HTR4: variants seen among roughly 807,000 people sequenced by gnomAD.
HTR4 encodes 5-hydroxytryptamine receptor 4.
HTR4 carries 16 observed loss-of-function variants against 36.8 expected under a neutral mutation model. The observed-to-expected ratio is 0.43, with a 90% CI of 0.29 to 0.66. HTR4 has a LOEUF of 0.66. Ranked by LOEUF, HTR4 falls within the 30% of genes least tolerant of loss-of-function variation. The pLI, the probability that HTR4 is intolerant of heterozygous loss-of-function variation, is 0.13. For synonymous variants in HTR4, 189 were observed against 185.1 expected, an observed-to-expected ratio of 1.02 and a Z score of -0.17; for missense variants, 438 against 490.9, an observed-to-expected ratio of 0.89 and a Z score of 1.02.
intron 5 of HTR4, 89 bp from the exon 6 acceptor site, chr5:148,510,113 T>C: frequency 1.3e-6 from 1 of 779,814 alleles, no homozygotes; most frequent in Non-Finnish European, 2.0e-6. Flanking sequence ...GGGAAGAGTG[T>C]GAGAAAAGAA....
intron 2 of HTR4, among the ~76,000 whole-genome samples, chr5:148,615,692 TAAAG>T (rs150308160): frequency 0.033 from 4,799 of 146,628 alleles, 272 homozygotes; most frequent in African/African-American, 0.11. Flanking sequence ...ATTAAAAAAA[TAAAG>T]AAAGAAAGAA....
At chr5:148,507,340 C>G (rs1377800917) in intron 6 of HTR4, among the ~76,000 whole-genome samples, 1 of 126,764 alleles carries the variant, frequency 7.9e-6, no homozygotes, top group Non-Finnish European at 1.5e-5. Flanking sequence ...CATTTGGACA[C>G]AGGAAGGGGA....
At chr5:148,589,070 A>G in intron 2 of HTR4, among the ~76,000 whole-genome samples, 1 of 152,118 alleles carries the variant, frequency 6.6e-6, no homozygotes, top group East Asian at 1.9e-4. Context: ...CACTATATGA[A>G]TAACCCACAA....
intron 6 of HTR4, among the ~76,000 whole-genome samples, chr5:148,503,072 G>T (rs956408033): frequency 1.1e-4 from 16 of 152,150 alleles, no homozygotes; most frequent in African/African-American, 3.9e-4. Context: ...CACTCTGCAG[G>T]ATATTATCCA....
chr5:148,537,215 G>A (rs139091012), intron 4 of HTR4, among the ~76,000 whole-genome samples: 2,186 of 152,102 alleles, frequency 0.014, 20 homozygotes, highest in Middle Eastern at 0.048. Flanking sequence ...AACATACCAG[G>A]ATCTATGGAA....
chr5:148,571,804 AG>A (rs1760689308), intron 2 of HTR4, among the ~76,000 whole-genome samples: 1 of 152,100 alleles, frequency 6.6e-6, no homozygotes, highest in South Asian at 2.1e-4. Flanking sequence ...GTGGCACACT[AG>A]TTCCCTATCA....
chr5:148,603,972 T>C (rs1752034526), intron 2 of HTR4, among the ~76,000 whole-genome samples: 2 of 152,108 alleles, frequency 1.3e-5, no homozygotes, highest in South Asian at 2.1e-4. Flanking sequence ...GATATCTATA[T>C]ATATATTTAA....
At chr5:148,608,132 A>G (rs890713232) in intron 2 of HTR4, among the ~76,000 whole-genome samples, 5 of 152,204 alleles carry the variant, frequency 3.3e-5, no homozygotes, top group African/African-American at 1.2e-4. Context: ...TTATCAAGCG[A>G]TAACTAAGGC....
intron 2 of HTR4, among the ~76,000 whole-genome samples, chr5:148,605,149 A>C (rs1752093666): frequency 1.3e-5 from 2 of 151,928 alleles, no homozygotes; most frequent in Non-Finnish European, 1.5e-5. Flanking sequence ...CAGGGATGCT[A>C]CTGTGGCCGG....
chr5:148,501,666 C>A (rs898905441), intron 6 of HTR4, among the ~76,000 whole-genome samples: 2 of 152,238 alleles, frequency 1.3e-5, no homozygotes, highest in African/African-American at 4.8e-5. Context: ...TAAGATTTAA[C>A]CTCTAGCAGA....
chr5:148,558,674 G>A (rs1216361994), intron 2 of HTR4, among the ~76,000 whole-genome samples: 1 of 152,076 alleles, frequency 6.6e-6, no homozygotes, highest in African/African-American at 2.4e-5. Context: ...TATCCTTTGG[G>A]TAAGGCTAAT....
At chr5:148,613,755 A>G (rs1752541746) in intron 2 of HTR4, among the ~76,000 whole-genome samples, 1 of 148,878 alleles carries the variant, frequency 6.7e-6, no homozygotes, top group African/African-American at 2.5e-5. Context: ...CTGTTTGCAG[A>G]TGACATGATT....
intron 2 of HTR4, among the ~76,000 whole-genome samples, chr5:148,591,014 A>G (rs551461409): frequency 1.8e-4 from 28 of 152,262 alleles, no homozygotes; most frequent in African/African-American, 6.5e-4. Context: ...TATATGGTGT[A>G]AGGAAGGGGT....
intron 2 of HTR4, among the ~76,000 whole-genome samples, chr5:148,599,255 A>G (rs1377846167): frequency 6.6e-6 from 1 of 152,180 alleles, no homozygotes; most frequent in Non-Finnish European, 1.5e-5. Flanking sequence ...GCTGAAACAC[A>G]TCAAATCACA....
At chr5:148,545,666 G>C (rs754321421) in intron 4 of HTR4, among the ~76,000 whole-genome samples, 1 of 152,156 alleles carries the variant, frequency 6.6e-6, no homozygotes, top group Non-Finnish European at 1.5e-5. Context: ...AAAAGCCAAG[G>C]CCTCAGGTGG....
intron 2 of HTR4, among the ~76,000 whole-genome samples, chr5:148,571,336 A>G (rs1338199708): frequency 6.6e-6 from 1 of 152,082 alleles, no homozygotes; most frequent in Non-Finnish European, 1.5e-5. Context: ...TGTCGTGTCC[A>G]TGGTGGTGAC....
intron 4 of HTR4, among the ~76,000 whole-genome samples, chr5:148,548,308 C>T (rs944978092): frequency 2.6e-5 from 4 of 152,204 alleles, no homozygotes; most frequent in Non-Finnish European, 5.9e-5. Context: ...CTGCTGCCCT[C>T]TGGGAAGATG....
intron 2 of HTR4, among the ~76,000 whole-genome samples, chr5:148,622,929 A>T (rs1278763823): frequency 1.3e-5 from 2 of 152,182 alleles, no homozygotes; most frequent in African/African-American, 4.8e-5. Context: ...ACCCCTAAAA[A>T]CCTATTTGTA....
chr5:148,519,974 A>G (rs13173328), intron 5 of HTR4, among the ~76,000 whole-genome samples: 47,808 of 151,994 alleles, frequency 0.31, 7,813 homozygotes, highest in Non-Finnish European at 0.37. Context: ...CATGACTGCA[A>G]TGCTAACGAG....
Sources: allele counts gnomAD v4.1 joint callset (sites outside exome capture counted in the v4.1 genomes callset), GRCh38; gene constraint gnomAD v4.1.1; transcripts MANE v1.5; gene names NCBI Gene and HGNC (gene_info 2026-07-23, HGNC 2026-07-21).